PCNX1: variants seen among roughly 807,000 people sequenced by gnomAD.
The protein encoded by PCNX1 is pecanex-like protein 1.
Under a neutral mutation model 242.2 loss-of-function variants are expected in PCNX1, and 78 were observed. The ratio of observed to expected loss-of-function variants is 0.32; its 90% CI spans 0.27 to 0.39. PCNX1 has a LOEUF of 0.39. Among genes scored for constraint, PCNX1 ranks in the 10% least tolerant of loss-of-function variants. The pLI, the probability that PCNX1 is intolerant of heterozygous loss-of-function variation, is 1.00. For synonymous variants in PCNX1, 1,024 were observed against 1,032.9 expected (o/e 0.99, Z 0.17); for missense variants, 2,581 against 2,856.5 (o/e 0.90, Z 2.20).
chr14:71,113,969 T>TTGA lies in PCNX1; in HGVS notation c.*4036_*4038dup, dbSNP rs748929582. 1 of 152,316 alleles carries TTGA rather than the reference T, an allele frequency of 6.6e-6. No individual in the cohort carries two copies. The highest frequency in any genetic ancestry group is 1.9e-4 in the East Asian group (1 of 5,190). 9.4% of individuals were successfully genotyped at this position (152,316 alleles called of 1,614,324 possible). ...ACAGAGACCCAGTTAATTTTCTCTT[T>TTGA]TGATAGGATACATGGTTTAGATAAG... On this transcript the variant is annotated 3_prime_UTR_variant, in exon 36 of 36. Coordinates refer to ENST00000304743, the MANE Select transcript of PCNX1 (RefSeq NM_014982.3).
At chr14:71,057,194 A>T (rs1416733917) in intron 25 of PCNX1, among the ~76,000 whole-genome samples, 1 of 152,092 alleles carries the variant, frequency 6.6e-6, no homozygotes, top group Non-Finnish European at 1.5e-5. Flanking sequence ...GGTTTTAATT[A>T]TAAAGCATAT....
At chr14:71,018,347 A>T (rs921200474) in intron 11 of PCNX1, among the ~76,000 whole-genome samples, 2 of 152,286 alleles carry the variant, frequency 1.3e-5, no homozygotes, top group Non-Finnish European at 2.9e-5. Flanking sequence ...ATTGATATAT[A>T]TATATGTATA....
chr14:70,923,156 CGTT>C (rs781448497), intron 1 of PCNX1, among the ~76,000 whole-genome samples: 8 of 151,856 alleles, frequency 5.3e-5, no homozygotes, highest in Non-Finnish European at 7.4e-5. Flanking sequence ...TTTTCTGAAA[CGTT>C]GTTTTTCTGT....
chr14:70,950,106 A>G (rs2057717197), intron 2 of PCNX1, among the ~76,000 whole-genome samples: 1 of 152,022 alleles, frequency 6.6e-6, no homozygotes, highest in African/African-American at 2.4e-5. Context: ...TTTCAATTAC[A>G]TTTTTTTCCT....
At chr14:71,028,348 T>A (rs2060293062) in intron 15 of PCNX1, among the ~76,000 whole-genome samples, 1 of 151,990 alleles carries the variant, frequency 6.6e-6, no homozygotes, top group South Asian at 2.1e-4. Flanking sequence ...ACTTAATACA[T>A]CTCCAGTTCC....
chr14:71,003,593 G>A (rs1406188321), intron 8 of PCNX1, among the ~76,000 whole-genome samples: 1 of 152,168 alleles, frequency 6.6e-6, no homozygotes, highest in Admixed American at 6.5e-5. Flanking sequence ...GAAATAAAAT[G>A]TGAGTGGATA....
In PCNX1 at chr14:71,032,036, A is replaced by G. The variant is rs564274135; in HGVS notation, c.3559-1393A>G. On this transcript the variant is annotated intron_variant, in intron 16 of 35. Transcript: ENST00000304743. Reference sequence around the variant, plus strand: ...CGGACACACACAAGGAGTGGGTTTAAGAGTGGAAAGATTAATAGACAAAGA... The same window carrying G: ...CGGACACACACAAGGAGTGGGTTTAGGAGTGGAAAGATTAATAGACAAAGA... 187 of 798,808 alleles carry G rather than the reference A, an allele frequency of 2.3e-4. 3 individuals carry two copies. The South Asian group carries it at 2.6e-3, about 11-fold the overall frequency. 49.5% of individuals were successfully genotyped at this position (798,808 alleles called of 1,614,324 possible). A position where few individuals can be genotyped will look rare whatever the true frequency, so the allele number is the denominator to read the frequency against.
rs75055135 is a variant in PCNX1 at position 71,062,844 on chromosome 14, T to C, written c.4852+5120T>C. On this transcript the variant is annotated intron_variant, in intron 26 of 35. Coordinates refer to ENST00000304743, the MANE Select transcript of PCNX1 (RefSeq NM_014982.3). ...TTGTGGCAAGTGCCCTATATAGATA[T>C]ACCATTTTTTATCTTTTTGCCATAT... Among the ~76,000 whole-genome samples the C allele has an allele frequency of 8.6e-3, 1,312 of 152,274 alleles. 25 individuals are homozygous for C. Among genetic ancestry groups the C allele is most frequent in the African/African-American group, 0.03 (1,236 of 41,558 alleles).
intron 18 of PCNX1, 90 bp from the exon 19 acceptor site, chr14:71,035,975 T>C (rs2060520290): frequency 3.5e-6 from 3 of 852,046 alleles, no homozygotes; most frequent in Middle Eastern, 2.4e-4. Context: ...GGCAAAAAAT[T>C]AATTCTTAAA....
chr14:71,044,001 A>G (rs940996416), intron 19 of PCNX1, among the ~76,000 whole-genome samples: 10 of 152,182 alleles, frequency 6.6e-5, no homozygotes, highest in Non-Finnish European at 1.3e-4. Context: ...TCCTTTAGAT[A>G]TATCTATAGT....
At chr14:71,097,204 C>T (rs1012534004) in intron 30 of PCNX1, among the ~76,000 whole-genome samples, 9 of 152,132 alleles carry the variant, frequency 5.9e-5, no homozygotes, top group African/African-American at 2.2e-4. Context: ...TTCCTTTATC[C>T]AATTTACCAT....
At chr14:70,950,608 C>CT (rs930071923) in intron 2 of PCNX1, among the ~76,000 whole-genome samples, 102 of 151,670 alleles carry the variant, frequency 6.7e-4, no homozygotes, top group African/African-American at 2.1e-3. Context: ...TCAGCTGCCT[C>CT]TTTTTTTTGC....
chr14:70,969,379 T>C (rs1398060885), intron 5 of PCNX1: 4 of 291,412 alleles, frequency 1.4e-5, no homozygotes, highest in Non-Finnish European at 2.6e-5. Context: ...AGATGGGAGA[T>C]AAGAATCTGC....
At chr14:71,104,056 C>G (rs1023771337) in intron 32 of PCNX1, among the ~76,000 whole-genome samples, 18 of 152,158 alleles carry the variant, frequency 1.2e-4, no homozygotes, top group Admixed American at 1.0e-3. Flanking sequence ...CCATTCTGTT[C>G]CAACACTAGG....
intron 2 of PCNX1, among the ~76,000 whole-genome samples, chr14:70,952,950 C>T (rs1240574312): frequency 2.0e-5 from 3 of 152,032 alleles, no homozygotes; most frequent in Non-Finnish European, 4.4e-5. Flanking sequence ...TTTCCATTCA[C>T]TTAGCTATTG....
chr14:70,916,147 A>G (rs182601673), intron 1 of PCNX1, among the ~76,000 whole-genome samples: 2 of 152,286 alleles, frequency 1.3e-5, no homozygotes, highest in East Asian at 3.9e-4. Context: ...TACTTTTGGT[A>G]AGTGGAAAAG....
At chr14:71,026,722 G>T (rs201612241) in intron 14 of PCNX1, 50 bp from the exon 15 acceptor site, 3 of 803,252 alleles carry the variant, frequency 3.7e-6, no homozygotes, top group Non-Finnish European at 5.9e-6. Context: ...GTGGACACAA[G>T]AATGGATACA....
In PCNX1 at chr14:71,113,061, A is replaced by G. The variant is rs1470713877; in HGVS notation, c.*3126A>G. On this transcript the variant is annotated 3_prime_UTR_variant, in exon 36 of 36. Transcript: ENST00000304743. ...AACTTTAATGTTGACTTTTTGCTAA[A>G]GAACTTTAATTTTTCCAAGAATCTA... 1 of 152,206 alleles carries G rather than the reference A, an allele frequency of 6.6e-6. No homozygotes were observed. The highest frequency in any genetic ancestry group is 2.4e-5 in the African/African-American group (1 of 41,458). 9.4% of individuals were successfully genotyped at this position (152,206 alleles called of 1,614,324 possible).
At chr14:71,051,168 C>CAAAAAAAAAAAAAAAAAAAAAAAA (rs758181078) in intron 23 of PCNX1, among the ~76,000 whole-genome samples, 1 of 41,760 alleles carries the variant, frequency 2.4e-5, no homozygotes, top group Non-Finnish European at 4.3e-5. Flanking sequence ...AACTCTGTCT[C>CAAAAAAAAAAAAAAAAAAAAAAAA]AAAAAAAAAA....
Sources: allele counts gnomAD v4.1 joint callset (sites outside exome capture counted in the v4.1 genomes callset), GRCh38; gene constraint gnomAD v4.1.1; transcripts MANE v1.5; gene names NCBI Gene and HGNC (gene_info 2026-07-23, HGNC 2026-07-21).